RNASET2: variants seen among roughly 807,000 people sequenced by gnomAD.
RNASET2 encodes the protein ribonuclease 6.
In RNASET2, 28 loss-of-function variants were observed where a neutral mutation model predicts 33.9. The observed-to-expected ratio is 0.83, with a 90% CI of 0.61 to 1.13. The LOEUF is 1.13. Among genes scored for constraint, RNASET2 ranks in the 50% most tolerant of loss-of-function variants. The pLI is 0.00. For missense variants in RNASET2, 330 were observed against 319.9 expected (o/e 1.03, Z -0.24); for synonymous variants, 123 against 121.0 (o/e 1.02, Z -0.11).
Position 166,928,971 on chromosome 6 carries a change from G to T in RNASET2, c.*617C>A, listed in dbSNP as rs530487504. On this transcript the variant is annotated 3_prime_UTR_variant, in exon 9 of 9. Coordinates refer to ENST00000508775, the MANE Select transcript of RNASET2 (RefSeq NM_003730.6). ...GTAACCTGGAAGAGACTGCTCTGAC[G>T]GAGACAGGAGATGGCTGCTCTGTGA... Among the ~76,000 whole-genome samples the T allele has an allele frequency of 1.3e-5, 2 of 152,248 alleles. No homozygotes were observed. Among genetic ancestry groups the T allele is most frequent in the African/African-American group, 4.8e-5 (2 of 41,468 alleles).
In RNASET2 at chr6:166,926,221, G is replaced by T. The variant is rs956407939; in HGVS notation, c.*3367C>A. On this transcript the variant is annotated 3_prime_UTR_variant, in exon 9 of 9. Coordinates refer to ENST00000508775, the MANE Select transcript of RNASET2 (RefSeq NM_003730.6). ...GATGGTGATGTCATTCACCGAGATGGAGGCAAAAGTTTCGGTGGAAAGATA... is the reference window on the plus strand; with the variant it reads ...GATGGTGATGTCATTCACCGAGATGTAGGCAAAAGTTTCGGTGGAAAGATA... Among the ~76,000 whole-genome samples, 6 of 151,964 alleles carry T rather than the reference G, an allele frequency of 3.9e-5. No homozygotes were observed. The highest frequency in any genetic ancestry group is 1.3e-4 in the Admixed American group (2 of 15,262).
At chr6:166,934,157 A>C (rs142218956) in intron 6 of RNASET2, 21 bp from the exon 7 acceptor site, 3 of 1,516,162 alleles carry the variant, frequency 2.0e-6, no homozygotes, top group Admixed American at 1.7e-5. Flanking sequence ...AATTTAAAAA[A>C]GTTAGCTGTA....
intron 4 of RNASET2, among the ~76,000 whole-genome samples, chr6:166,945,680 A>G (rs1430140355): frequency 2.0e-5 from 3 of 151,924 alleles, no homozygotes; most frequent in Non-Finnish European, 4.4e-5. Context: ...AAAATACAAA[A>G]TAAGCCGGGC....
At chr6:166,938,435 G>T in intron 6 of RNASET2, 1 of 454,288 alleles carries the variant, frequency 2.2e-6, no homozygotes, top group East Asian at 6.1e-5. Flanking sequence ...AGGCAGGTTG[G>T]GGTCATTTCT....
intron 1 of RNASET2, chr6:166,952,937 G>T: frequency 4.4e-6 from 1 of 226,394 alleles, no homozygotes; most frequent in Non-Finnish European, 9.0e-6. Context: ...CTGCATTCGT[G>T]AAACCCATAA....
intron 4 of RNASET2, chr6:166,943,660 C>G: frequency 2.3e-6 from 1 of 437,262 alleles, no homozygotes; most frequent in South Asian, 1.7e-5. Context: ...CAGGAGTAAA[C>G]CCTAATGTTA....
At position 166,929,616 on chromosome 6, in the gene RNASET2, T is replaced by G. The variant is rs765446788; in HGVS notation, c.743A>C (p.Tyr248Ser). The change falls in exon 9 of 9, where the codon TAT (tyrosine) becomes TCT (serine). Residue 248 changes from tyrosine (Y) to serine (S), a missense_variant. Coordinates refer to ENST00000508775, the MANE Select transcript of RNASET2 (RefSeq NM_003730.6). The part of the protein sequence containing the change: ...LRVCEDGPVF[Y>S]PPPKKTKH ...ATGCTTGGTCTTTTTAGGTGGGGGA[T>G]AGAAGACTGGGCCATCTTCACAGAC... 3 of 1,614,206 alleles carry G rather than the reference T, an allele frequency of 1.9e-6. No homozygotes were observed. The highest frequency in any genetic ancestry group is 1.7e-6 in the Non-Finnish European group (2 of 1,180,024).
Position 166,931,105 on chromosome 6 carries a change from T to A in RNASET2, c.506A>T (p.Lys169Ile), listed in dbSNP as rs1298997016. The change falls in exon 8 of 9, where the codon AAA (lysine) becomes ATA (isoleucine). Residue 169 changes from lysine (K) to isoleucine (I), a missense_variant. By Grantham distance (102) the Lys-to-Ile change is moderately radical. Transcript: ENST00000508775. The stretch of plus-strand genomic sequence containing the variant: ...TCCATATACTCTGGCAAGGGCATCT[T>A]TAAAATCTGCAACCTGATTTTAAAT... ...SINYYQVADF[K>I]DALARVYGVI... 7 of 1,607,918 alleles carry A rather than the reference T, an allele frequency of 4.4e-6. No individual in the cohort carries two copies. Among genetic ancestry groups the A allele is most frequent in the Non-Finnish European group, 6.0e-6 (7 of 1,174,444 alleles).
At chr6:166,946,649 C>A (rs752735888) in intron 4 of RNASET2, 33 bp downstream of exon 4, 1 of 1,189,524 alleles carries the variant, frequency 8.4e-7, no homozygotes, top group South Asian at 1.3e-5. Context: ...TAGGTCAACA[C>A]TCTGCAGTAG....
At chr6:166,935,160 C>G (rs1778535563) in intron 6 of RNASET2, 1 of 152,052 alleles carries the variant, frequency 6.6e-6, no homozygotes, top group African/African-American at 2.4e-5. Context: ...CCCACAGGAC[C>G]TCGCCTACCC....
chr6:166,949,404 G>A (rs1778928592), intron 2 of RNASET2, among the ~76,000 whole-genome samples: 1 of 148,748 alleles, frequency 6.7e-6, no homozygotes, highest in South Asian at 2.1e-4. Context: ...AGGAGGCTGA[G>A]GCAGGAGAAT....
intron 4 of RNASET2, chr6:166,943,679 C>T (rs1447016552): frequency 6.6e-6 from 3 of 455,262 alleles, no homozygotes; most frequent in Non-Finnish European, 1.4e-5. Context: ...TAATGCTAAA[C>T]TTTATTTAAT....
rs762476449 is a variant in RNASET2, at chr6:166,952,461, A to G, written c.147+27T>C. 3.8e-6 allele frequency: 6 copies of G among 1,562,950 alleles called. No homozygotes were observed. In the Admixed American group the frequency reaches 8.3e-5, roughly 22 times the overall value. Reference sequence around the variant, plus strand: ...CTCTTCACAGGGCTCCCCAGGCCCCAGGGCCCGTCAAGGCAGAAACACTCA... The same window carrying G: ...CTCTTCACAGGGCTCCCCAGGCCCCGGGGCCCGTCAAGGCAGAAACACTCA... On this transcript the variant is annotated intron_variant, in intron 2 of 8. Transcript: ENST00000508775.
At position 166,928,444 on chromosome 6, in the gene RNASET2, G is replaced by GT. The variant is rs67709006; in HGVS notation, c.*1143dup. ...AATATTCACAGGCATTGATACAGCT[G>GT]TTTTTTTTTTTTTTGTAAATTATGC... On this transcript the variant is annotated 3_prime_UTR_variant, in exon 9 of 9. Transcript: ENST00000508775. Among the ~76,000 whole-genome samples, 109,446 of 144,626 alleles carry GT rather than the reference G, an allele frequency of 0.76. 42,636 individuals are homozygous for GT. The highest frequency in any genetic ancestry group is 0.85 in the Admixed American group (12,372 of 14,588). 94.9% of individuals were successfully genotyped at this position (144,626 alleles called of 152,430 possible).
chr6:166,956,066 G>T (rs1424017018), intron 1 of RNASET2, 31 bp downstream of exon 1: 7 of 1,540,294 alleles, frequency 4.5e-6, no homozygotes, highest in Non-Finnish European at 6.1e-6. Flanking sequence ...CGGCTCCCAC[G>T]CTCCCCACTT....
chr6:166,946,329 G>A (rs192782643), intron 4 of RNASET2, among the ~76,000 whole-genome samples: 7 of 152,030 alleles, frequency 4.6e-5, no homozygotes, highest in Non-Finnish European at 8.8e-5. Context: ...TCGGTCATCT[G>A]ACCCAGAAGT....
rs1778360642 is a variant in RNASET2 at position 166,929,223 on chromosome 6, G to A, written c.*365C>T. On this transcript the variant is annotated 3_prime_UTR_variant, in exon 9 of 9. Coordinates refer to ENST00000508775, the MANE Select transcript of RNASET2 (RefSeq NM_003730.6). ...CTCTTCGTCTTGACAGGGTCCCTGC[G>A]CCAAGAAGGCAACAGGCTCCGAGGG... is the stretch of plus-strand genomic sequence containing the variant. 6.6e-6 allele frequency among the ~76,000 whole-genome samples: 1 copy of A among 152,186 alleles called. No homozygotes were observed. Among genetic ancestry groups the A allele is most frequent in the Non-Finnish European group, 1.5e-5 (1 of 68,038 alleles).
Position 166,925,828 on chromosome 6 carries a change from G to A in RNASET2, c.*3760C>T, listed in dbSNP as rs561290383. On this transcript the variant is annotated 3_prime_UTR_variant, in exon 9 of 9. Coordinates refer to ENST00000508775, the MANE Select transcript of RNASET2 (RefSeq NM_003730.6). ...GAGCACTCCAGGCCACCCAAACTGC[G>A]CGGAGAATCCAGGCACAAGGAAGTG... Among the ~76,000 whole-genome samples the A allele has an allele frequency of 1.8e-4, 27 of 152,340 alleles. No individual in the cohort carries two copies. The highest frequency in any genetic ancestry group is 3.4e-4 in the African/African-American group (14 of 41,594).
intron 4 of RNASET2, chr6:166,943,405 G>A: frequency 2.8e-6 from 1 of 358,612 alleles, no homozygotes; most frequent in Non-Finnish European, 5.4e-6. Context: ...AGACACTGGA[G>A]GAACTGCAAA....
Sources: gnomAD v4.1 joint callset for allele counts (sites outside exome capture counted in the v4.1 genomes callset) on GRCh38, gnomAD v4.1.1 for gene constraint, MANE v1.5 for transcripts, NCBI Gene and HGNC (gene_info 2026-07-23, HGNC 2026-07-21) for gene names.